Variants in TBXAS1 observed in about 807,000 individuals in gnomAD.
The protein encoded by TBXAS1 is thromboxane-A synthase.
In TBXAS1, 48 loss-of-function variants were observed where a neutral mutation model predicts 60.7. The ratio of observed to expected loss-of-function variants is 0.79; its 90% CI spans 0.63 to 1.01. The LOEUF is 1.01. Ranked by LOEUF, TBXAS1 falls within the 50% of genes least tolerant of loss-of-function variation. The pLI is 0.00. For missense variants in TBXAS1, 685 were observed against 686.3 expected (o/e 1.00, Z 0.02); for synonymous variants, 287 against 269.7 (o/e 1.06, Z -0.63).
chr7:139,997,855 CCGGCAG>C (rs1813399786), intron 9 of TBXAS1, among the ~76,000 whole-genome samples: 2 of 152,158 alleles, frequency 1.3e-5, no homozygotes, highest in Non-Finnish European at 2.9e-5. Flanking sequence ...CCCTCATGAC[CCGGCAG>C]TGCCATGCCC....
chr7:139,889,305 G>A (rs763823534), intron 3 of TBXAS1, among the ~76,000 whole-genome samples: 3 of 149,798 alleles, frequency 2.0e-5, no homozygotes, highest in Non-Finnish European at 4.4e-5. Context: ...CTGTAATCCT[G>A]TCGAAAAAAA....
chr7:139,953,332 T>C, intron 5 of TBXAS1, 36 bp from the exon 6 acceptor site: 2 of 1,565,364 alleles, frequency 1.3e-6, no homozygotes, highest in Non-Finnish European at 1.8e-6. Context: ...ACTCCCGGCA[T>C]GGTGCCCTAA....
chr7:140,000,268 G>A (rs1813578144), intron 9 of TBXAS1, among the ~76,000 whole-genome samples: 1 of 152,174 alleles, frequency 6.6e-6, no homozygotes, highest in South Asian at 2.1e-4. Context: ...AGGAGGCTGA[G>A]ACTGGAGGAT....
Position 139,792,344 on chromosome 7 carries a change from C to T in TBXAS1, c.-80+4918C>T, listed in dbSNP as rs532981618. 3.3e-5 allele frequency among the ~76,000 whole-genome samples: 5 copies of T among 152,322 alleles called. No individual in the cohort carries two copies. In the South Asian group the frequency reaches 1.0e-3, roughly 32 times the overall value. On this transcript the variant is annotated intron_variant, in intron 4 of 16. Transcript: ENST00000336425. ...CTGGACTCCTGGCTTTACAGAGATT[C>T]ATCCAATATCCACCCCTTCCAAGGA...
chr7:139,949,796 C>T (rs1809048956), intron 5 of TBXAS1, among the ~76,000 whole-genome samples: 1 of 152,186 alleles, frequency 6.6e-6, no homozygotes, highest in Non-Finnish European at 1.5e-5. Flanking sequence ...CCAGCTGACT[C>T]ATCAGTAAAG....
chr7:139,905,077 T>TC (rs1804965067), intron 3 of TBXAS1, among the ~76,000 whole-genome samples: 3 of 122,048 alleles, frequency 2.5e-5, no homozygotes, highest in African/African-American at 9.1e-5. Flanking sequence ...CTCTCTCTCT[T>TC]TCTCTTTCTC....
intron 10 of TBXAS1, among the ~76,000 whole-genome samples, chr7:140,009,900 C>G (rs1814449253): frequency 1.1e-5 from 1 of 89,904 alleles, no homozygotes. Context: ...ACACCTGCCC[C>G]ACACCTTCAC....
intron 3 of TBXAS1, among the ~76,000 whole-genome samples, chr7:139,787,071 G>A (rs1345658524): frequency 6.6e-6 from 1 of 152,106 alleles, no homozygotes; most frequent in African/African-American, 2.4e-5. Flanking sequence ...TTAGTTTTGT[G>A]ATTTCCTTAT....
chr7:139,826,506 C>T (rs923015099), upstream of TBXAS1, among the ~76,000 whole-genome samples: 12 of 152,110 alleles, frequency 7.9e-5, no homozygotes, highest in Non-Finnish European at 1.2e-4. Flanking sequence ...GGCACCTGTG[C>T]GGTTCACTAT....
chr7:139,953,504 C>A, intron 6 of TBXAS1, 48 bp downstream of exon 6: 1 of 1,532,876 alleles, frequency 6.5e-7, no homozygotes, highest in Non-Finnish European at 9.0e-7. Context: ...TGAATCACTG[C>A]TTCTTGTAAC....
chr7:139,832,022 A>C (rs192054401), intron 1 of TBXAS1, among the ~76,000 whole-genome samples: 2 of 152,284 alleles, frequency 1.3e-5, no homozygotes, highest in East Asian at 3.9e-4. Flanking sequence ...GCTCCAGACA[A>C]AGCAGCATCT....
chr7:139,783,439 C>T (rs192972228), intron 3 of TBXAS1, among the ~76,000 whole-genome samples: 66 of 151,564 alleles, frequency 4.4e-4, no homozygotes, highest in Middle Eastern at 3.5e-3. Flanking sequence ...TTGGAGGTTG[C>T]GGGAATGGCA....
intron 4 of TBXAS1, among the ~76,000 whole-genome samples, chr7:139,808,892 G>A (rs548616276): frequency 8.6e-5 from 13 of 151,342 alleles, no homozygotes; most frequent in African/African-American, 3.2e-4. Flanking sequence ...TTTTCTGTTA[G>A]CACTATTCTT....
chr7:139,814,178 C>T (rs1029712130), intron 4 of TBXAS1, among the ~76,000 whole-genome samples: 7 of 152,174 alleles, frequency 4.6e-5, no homozygotes, highest in Non-Finnish European at 2.9e-5. Context: ...CAGTCTCTAT[C>T]GACCCTCAGC....
At chr7:139,958,547 G>A (rs975024335) in intron 8 of TBXAS1, among the ~76,000 whole-genome samples, 7 of 152,318 alleles carry the variant, frequency 4.6e-5, no homozygotes, top group Non-Finnish European at 7.4e-5. Context: ...TAGCTGGCTC[G>A]TGCAAGATGC....
chr7:139,990,021 C>G (rs1159042626), intron 9 of TBXAS1, among the ~76,000 whole-genome samples: 1 of 152,218 alleles, frequency 6.6e-6, no homozygotes, highest in Non-Finnish European at 1.5e-5. Context: ...CGGCCTTAAG[C>G]ACACACCCTT....
chr7:140,004,299 T>TC lies in TBXAS1; in HGVS notation c.1135-2791dup, dbSNP rs1402862243. Among the ~76,000 whole-genome samples the TC allele has an allele frequency of 3.3e-5, 5 of 152,252 alleles. No homozygotes were observed. The highest frequency in any genetic ancestry group is 1.2e-4 in the African/African-American group (5 of 41,480). On this transcript the variant is annotated intron_variant, in intron 9 of 12. Transcript: ENST00000448866. The surrounding 1 kb of genome is among the most constrained non-coding windows in gnomAD (Gnocchi z 5.1). ...GTACTCAGCGAGCTTCTTTGTTTCTTCTGCAGTCTCTTTTTCGACTTGTCA... is the reference window on the plus strand; with the variant it reads ...GTACTCAGCGAGCTTCTTTGTTTCTTCCTGCAGTCTCTTTTTCGACTTGTCA...
At chr7:139,938,826 G>C (rs1372810533) in intron 5 of TBXAS1, among the ~76,000 whole-genome samples, 2 of 152,150 alleles carry the variant, frequency 1.3e-5, no homozygotes, top group African/African-American at 2.4e-5. Flanking sequence ...AAGAAGAAAA[G>C]GAAGCAAGGA....
intron 5 of TBXAS1, among the ~76,000 whole-genome samples, chr7:139,947,622 C>T (rs1185667410): frequency 6.6e-6 from 1 of 152,150 alleles, no homozygotes; most frequent in Non-Finnish European, 1.5e-5. Flanking sequence ...TATGCAGAAC[C>T]TTCCTTCCTT....
Sources: allele counts gnomAD v4.1 joint callset (sites outside exome capture counted in the v4.1 genomes callset), GRCh38; gene constraint gnomAD v4.1.1; non-coding constraint Gnocchi (gnomAD v3.1); transcripts MANE v1.5; gene names NCBI Gene and HGNC (gene_info 2026-07-23, HGNC 2026-07-21).